The following LRFN5 variants were observed in gnomAD, a reference collection of about 807,000 sequenced individuals.
LRFN5 encodes leucine rich repeat and fibronectin type III domain containing 5.
LRFN5 carries 24 observed loss-of-function variants against 45.6 expected under a neutral mutation model. That is an observed-to-expected ratio of 0.53 (90% confidence interval 0.38 to 0.74). LRFN5 has a LOEUF of 0.74. Among genes scored for constraint, LRFN5 ranks in the 30% least tolerant of loss-of-function variants. The pLI is 0.00. For synonymous variants in LRFN5, 340 were observed against 313.8 expected (o/e 1.08, Z -0.88); for missense variants, 776 against 861.5 (o/e 0.90, Z 1.24).
rs1885593450 is a variant in LRFN5, at chr14:41,760,019, G to C, written c.-196-6835G>C. On this transcript the variant is annotated intron_variant, in intron 1 of 5. Coordinates refer to ENST00000298119, the MANE Select transcript of LRFN5 (RefSeq NM_152447.5). ...AGTGGTTACATCTTGCATAACTGTAGTACAATATCGCAACCAAGAAACTGT... is the reference window on the plus strand; with the variant it reads ...AGTGGTTACATCTTGCATAACTGTACTACAATATCGCAACCAAGAAACTGT... Among the ~76,000 whole-genome samples, 3 of 152,070 alleles carry C rather than the reference G, an allele frequency of 2.0e-5. No individual in the cohort carries two copies. In the South Asian group the frequency reaches 6.2e-4, roughly 32 times the overall value.
intron 1 of LRFN5, among the ~76,000 whole-genome samples, chr14:41,717,499 C>T (rs1370242009): frequency 1.3e-5 from 2 of 152,190 alleles, no homozygotes; most frequent in African/African-American, 2.4e-5. Flanking sequence ...ACCCTGTGCA[C>T]TTGAGGAGGG....
At chr14:41,716,725 A>C (rs1265683632) in intron 1 of LRFN5, among the ~76,000 whole-genome samples, 1 of 152,106 alleles carries the variant, frequency 6.6e-6, no homozygotes, top group Non-Finnish European at 1.5e-5. Flanking sequence ...GCCATCCAAA[A>C]TGCTCCAACC....
At position 41,887,903 on chromosome 14, in the gene LRFN5, T is replaced by G; in HGVS notation, c.1278T>G (p.Ala426=). The change falls in exon 3 of 6, where the codon GCT becomes GCG. Residue 426 remains alanine (A), a synonymous_variant. Coordinates refer to ENST00000298119, the MANE Select transcript of LRFN5 (RefSeq NM_152447.5). This position sits in a 1 kb window ranked among gnomAD's most constrained non-coding sequence, Gnocchi z 4.8. ...AAGATAAAATTGTGGTGGCAGAAGCTACATCATCAACGGCACTACTTAAAT... is the reference window on the plus strand; with the variant it reads ...AAGATAAAATTGTGGTGGCAGAAGCGACATCATCAACGGCACTACTTAAAT... ...LSQDKIVVAE[A]TSSTALLKFN... 6.2e-7 allele frequency: 1 copy of G among 1,614,082 alleles called. No individual in the cohort carries two copies. The highest frequency in any genetic ancestry group is 8.5e-7 in the Non-Finnish European group (1 of 1,179,968).
Position 41,608,291 on chromosome 14 carries a change from T to G in LRFN5, c.-468T>G, listed in dbSNP as rs1708228445. On this transcript the variant is annotated 5_prime_UTR_variant, in exon 1 of 6. Coordinates refer to ENST00000298119, the MANE Select transcript of LRFN5 (RefSeq NM_152447.5). ...TCTGTGTGTGCGTGCGCGGCCGCCC[T>G]GCCTCTGCCCGCTCCCCGGGCGCGG... 6.5e-6 allele frequency: 1 copy of G among 152,822 alleles called. No homozygotes were observed. Among genetic ancestry groups the G allele is most frequent in the South Asian group, 2.1e-4 (1 of 4,840 alleles). The allele number at this position is 152,822 out of a possible 1,614,324, so 9.5% of individuals were successfully genotyped here.
chr14:41,613,427 T>C (rs1355064964), intron 1 of LRFN5, among the ~76,000 whole-genome samples: 1 of 151,950 alleles, frequency 6.6e-6, no homozygotes, highest in African/African-American at 2.4e-5. Context: ...GAACTTAAAA[T>C]AAAATAAGAA....
At chr14:41,831,938 C>G (rs919969063) in intron 2 of LRFN5, among the ~76,000 whole-genome samples, 1 of 152,124 alleles carries the variant, frequency 6.6e-6, no homozygotes, top group Non-Finnish European at 1.5e-5. Flanking sequence ...AGATGTCCAC[C>G]TTCTCCTTGT....
intron 2 of LRFN5, among the ~76,000 whole-genome samples, chr14:41,816,595 T>C (rs1887927258): frequency 6.6e-6 from 1 of 152,098 alleles, no homozygotes; most frequent in South Asian, 2.1e-4. Context: ...TATACATATT[T>C]CTCTTTAATT....
Position 41,701,979 on chromosome 14 carries a change from T to A in LRFN5, c.-196-64875T>A, listed in dbSNP as rs370805280. Reference sequence around the variant, plus strand: ...TATGAGGAGCACTGGTAGGTAGTGCTTTGGGCTAAGCAGTTAGTTGGAGCA... The same window carrying A: ...TATGAGGAGCACTGGTAGGTAGTGCATTGGGCTAAGCAGTTAGTTGGAGCA... On this transcript the variant is annotated intron_variant, in intron 1 of 5. Transcript: ENST00000298119. Among the ~76,000 whole-genome samples, 4 of 152,212 alleles carry A rather than the reference T, an allele frequency of 2.6e-5. No individual in the cohort carries two copies. The East Asian group carries it at 7.7e-4, about 29-fold the overall frequency.
Position 41,852,794 on chromosome 14 carries a change from A to G in LRFN5, c.-20-33812A>G, listed in dbSNP as rs115424263. ...TGAATAAAACTACCTAAATCATGAA[A>G]CTATCTGCATGTTTTCTTTTTCACC... On this transcript the variant is annotated intron_variant, in intron 2 of 5. Coordinates refer to ENST00000298119, the MANE Select transcript of LRFN5 (RefSeq NM_152447.5). Among the ~76,000 whole-genome samples, 319 of 152,042 alleles carry G rather than the reference A, an allele frequency of 2.1e-3. 1 individual carries two copies. Among genetic ancestry groups the G allele is most frequent in the African/African-American group, 7.2e-3 (298 of 41,532 alleles).
At chr14:41,763,010 A>T (rs546819707) in intron 1 of LRFN5, among the ~76,000 whole-genome samples, 152 of 152,312 alleles carry the variant, frequency 1.0e-3, no homozygotes, top group African/African-American at 3.5e-3. Context: ...TTCAAATGTT[A>T]TGAATATTTA....
chr14:41,750,953 C>T (rs2138842595), intron 1 of LRFN5, among the ~76,000 whole-genome samples: 1 of 152,258 alleles, frequency 6.6e-6, no homozygotes, highest in South Asian at 2.1e-4. Flanking sequence ...GGTATTTCTC[C>T]TAATGCTATC....
chr14:41,767,100 C>G (rs1823307404), intron 2 of LRFN5, 71 bp downstream of exon 2: 1 of 152,560 alleles, frequency 6.6e-6, no homozygotes, highest in Admixed American at 6.5e-5. Context: ...AACTAAAAAT[C>G]TTGCTAACTT....
intron 1 of LRFN5, among the ~76,000 whole-genome samples, chr14:41,672,893 G>A (rs1244155321): frequency 6.6e-6 from 1 of 151,394 alleles, no homozygotes; most frequent in Non-Finnish European, 1.5e-5. Context: ...AAATAAATAG[G>A]GACAAAACTA....
chr14:41,641,476 G>A (rs951029249), intron 1 of LRFN5, among the ~76,000 whole-genome samples: 3 of 151,734 alleles, frequency 2.0e-5, no homozygotes, highest in East Asian at 1.9e-4. Context: ...CACATTTTTC[G>A]ATATTTTGAA....
intron 2 of LRFN5, among the ~76,000 whole-genome samples, chr14:41,881,661 T>C (rs554625679): frequency 6.6e-6 from 1 of 152,258 alleles, no homozygotes; most frequent in Non-Finnish European, 1.5e-5. Context: ...TCAAATACTT[T>C]TCCCTCAGAT....
At chr14:41,799,616 T>C (rs1347181320) in intron 2 of LRFN5, among the ~76,000 whole-genome samples, 1 of 152,062 alleles carries the variant, frequency 6.6e-6, no homozygotes, top group Non-Finnish European at 1.5e-5. Context: ...CTTTCTCTTA[T>C]TTGTTAATGT....
chr14:41,644,724 G>A (rs988545284), intron 1 of LRFN5, among the ~76,000 whole-genome samples: 1 of 152,138 alleles, frequency 6.6e-6, no homozygotes, highest in Non-Finnish European at 1.5e-5. Context: ...TCCTTCCCCT[G>A]TGTCCTCCAA....
At chr14:41,774,784 A>G (rs1886217215) in intron 2 of LRFN5, among the ~76,000 whole-genome samples, 1 of 152,198 alleles carries the variant, frequency 6.6e-6, no homozygotes. Context: ...TGAAAAGATC[A>G]TGACAGAGAG....
chr14:41,678,745 T>G (rs1881750838), intron 1 of LRFN5, among the ~76,000 whole-genome samples: 1 of 152,094 alleles, frequency 6.6e-6, no homozygotes, highest in Non-Finnish European at 1.5e-5. Context: ...GAACACTAAA[T>G]TGAGCTACTA....
Sources: allele counts gnomAD v4.1 joint callset (sites outside exome capture counted in the v4.1 genomes callset), GRCh38; gene constraint gnomAD v4.1.1; non-coding constraint Gnocchi (gnomAD v3.1); transcripts MANE v1.5; gene names NCBI Gene and HGNC (gene_info 2026-07-23, HGNC 2026-07-21).